Variants in ACACA observed in about 807,000 individuals in gnomAD.
ACACA encodes acetyl-CoA carboxylase alpha.
In ACACA, 103 loss-of-function variants were observed where a neutral mutation model predicts 296.1. That is an observed-to-expected ratio of 0.35 (90% CI 0.30 to 0.41). The LOEUF (loss-of-function observed/expected upper bound fraction) is 0.41, where lower values mean the gene tolerates loss of function less well. Among genes scored for constraint, ACACA ranks in the 10% least tolerant of loss-of-function variants. The probability of loss-of-function intolerance (pLI) is 1.00; values close to 1 mark genes in which losing one functional copy is unlikely to be tolerated. For synonymous variants in ACACA, 953 were observed against 1,038.6 expected, an observed-to-expected ratio of 0.92 and a Z score of 1.58; for missense variants, 1,554 against 2,989.7, an observed-to-expected ratio of 0.52 and a Z score of 11.20.
intron 45 of ACACA, among the ~76,000 whole-genome samples, chr17:37,134,598 T>C (rs1246332175): frequency 6.6e-6 from 1 of 152,216 alleles, no homozygotes; most frequent in Non-Finnish European, 1.5e-5. Context: ...ATATCAATGA[T>C]GGAATAAAAA....
intron 45 of ACACA, among the ~76,000 whole-genome samples, chr17:37,145,635 C>A (rs1229179368): frequency 6.6e-6 from 1 of 152,224 alleles, no homozygotes; most frequent in Non-Finnish European, 1.5e-5. Context: ...GATCTAGTCT[C>A]TCTCAATGAA....
chr17:37,403,838 G>A (rs562839570), intron 1 of ACACA, among the ~76,000 whole-genome samples: 195 of 152,106 alleles, frequency 1.3e-3, no homozygotes, highest in Non-Finnish European at 2.0e-3. Context: ...GAGGGCAGTG[G>A]TGCGATTTCA....
At chr17:37,215,966 C>T (rs1339813047) in intron 29 of ACACA, among the ~76,000 whole-genome samples, 6 of 151,906 alleles carry the variant, frequency 3.9e-5, no homozygotes, top group African/African-American at 1.5e-4. Context: ...TTAGTATAGA[C>T]TAGTTGCCCT....
At chr17:37,283,882 T>C (rs1472768054) in intron 4 of ACACA, among the ~76,000 whole-genome samples, 1 of 152,218 alleles carries the variant, frequency 6.6e-6, no homozygotes, top group Non-Finnish European at 1.5e-5. Context: ...TCCAATACCT[T>C]AGAATTGTAG....
At chr17:37,364,410 G>C (rs1031477085) in intron 1 of ACACA, among the ~76,000 whole-genome samples, 1 of 151,874 alleles carries the variant, frequency 6.6e-6, no homozygotes, top group African/African-American at 2.4e-5. Context: ...GCTGGCCAAC[G>C]TGGCAAAATC....
chr17:37,290,085 T>C (rs1210268012), intron 3 of ACACA, among the ~76,000 whole-genome samples: 1 of 152,106 alleles, frequency 6.6e-6, no homozygotes, highest in Non-Finnish European at 1.5e-5. Flanking sequence ...TCTCACTCTG[T>C]CACCCAGGCT....
At chr17:37,240,421 T>C in intron 24 of ACACA, 55 bp downstream of exon 24, 1 of 1,515,442 alleles carries the variant, frequency 6.6e-7, no homozygotes, top group Admixed American at 1.7e-5. Context: ...ATAGTTTGGG[T>C]TGGTTATCAG....
intron 45 of ACACA, among the ~76,000 whole-genome samples, chr17:37,132,354 G>A (rs578229386): frequency 6.6e-6 from 1 of 152,270 alleles, no homozygotes; most frequent in African/African-American, 2.4e-5. Flanking sequence ...ATCCAAAGCA[G>A]TCTGTTGATG....
At position 37,232,185 on chromosome 17, in the gene ACACA, T is replaced by C. The variant is rs539371091; in HGVS notation, c.3246+2790A>G. Among the ~76,000 whole-genome samples, 7 of 152,298 alleles carry C rather than the reference T, an allele frequency of 4.6e-5. No individual in the cohort carries two copies. In the East Asian group the frequency reaches 1.2e-3, roughly 25 times the overall value. On this transcript the variant is annotated intron_variant, in intron 25 of 55. Coordinates refer to ENST00000616317, the MANE Select transcript of ACACA (RefSeq NM_198834.3). Reference sequence around the variant, plus strand: ...CCCATGACATTGACTCACGGAAGCCTGAGTTTCTTGATACCTCCCTCCCTG... The same window carrying C: ...CCCATGACATTGACTCACGGAAGCCCGAGTTTCTTGATACCTCCCTCCCTG...
intron 14 of ACACA, among the ~76,000 whole-genome samples, chr17:37,253,431 T>C (rs1210086786): frequency 1.3e-5 from 2 of 152,134 alleles, no homozygotes; most frequent in East Asian, 3.9e-4. Context: ...AAGAACTGTT[T>C]CATTCCTTTG....
At chr17:37,241,200 AAAATAAATAAAT>A (rs202208460) in intron 23 of ACACA, among the ~76,000 whole-genome samples, 2 of 151,262 alleles carry the variant, frequency 1.3e-5, no homozygotes, top group South Asian at 2.1e-4. Context: ...GTCTCCAAAA[AAAATAAATAAAT>A]AAATAAATAA....
At chr17:37,256,579 A>T (rs938784434) in intron 14 of ACACA, among the ~76,000 whole-genome samples, 2 of 152,162 alleles carry the variant, frequency 1.3e-5, no homozygotes, top group African/African-American at 4.8e-5. Context: ...CAAAAAATTT[A>T]AAATTTGCTG....
At chr17:37,133,606 G>A (rs1041959829) in intron 45 of ACACA, among the ~76,000 whole-genome samples, 3 of 152,106 alleles carry the variant, frequency 2.0e-5, no homozygotes, top group Admixed American at 2.0e-4. Flanking sequence ...AAAACCTGGG[G>A]TCAACAACTC....
At chr17:37,303,539 A>G (rs1337889463) in intron 3 of ACACA, among the ~76,000 whole-genome samples, 1 of 152,190 alleles carries the variant, frequency 6.6e-6, no homozygotes, top group African/African-American at 2.4e-5. Context: ...TATGGTTCAT[A>G]TGGTGAGAGT....
chr17:37,154,986 C>T (rs2076181742), intron 43 of ACACA, among the ~76,000 whole-genome samples: 1 of 152,102 alleles, frequency 6.6e-6, no homozygotes, highest in Non-Finnish European at 1.5e-5. Context: ...ACACTGCTGA[C>T]AGAAATGCAA....
At chr17:37,107,089 T>C (rs563865592) in intron 52 of ACACA, among the ~76,000 whole-genome samples, 29 of 152,292 alleles carry the variant, frequency 1.9e-4, no homozygotes, top group African/African-American at 7.0e-4. Context: ...CTCGTGTTAT[T>C]TCTCATCAGC....
intron 1 of ACACA, chr17:37,392,344 A>C (rs1376547127): frequency 6.6e-6 from 1 of 152,308 alleles, no homozygotes; most frequent in Non-Finnish European, 1.5e-5. Flanking sequence ...CAGAATTCCT[A>C]AGGTGGCTCT....
intron 52 of ACACA, among the ~76,000 whole-genome samples, chr17:37,110,533 G>T (rs1171692769): frequency 6.6e-6 from 1 of 152,214 alleles, no homozygotes; most frequent in Non-Finnish European, 1.5e-5. Context: ...AGGGTTTCTT[G>T]TAACCCAAGT....
At chr17:37,350,110 G>C (rs2048827581) in intron 1 of ACACA, among the ~76,000 whole-genome samples, 2 of 152,048 alleles carry the variant, frequency 1.3e-5, no homozygotes, top group Non-Finnish European at 2.9e-5. Context: ...CATTACGACT[G>C]CTCAGGAGTT....
Sources: allele counts gnomAD v4.1 joint callset (sites outside exome capture counted in the v4.1 genomes callset), GRCh38; gene constraint gnomAD v4.1.1; transcripts MANE v1.5; gene names NCBI Gene and HGNC (gene_info 2026-07-23, HGNC 2026-07-21).